Variants in TEAD4 observed in about 807,000 individuals in gnomAD.
TEAD4 encodes transcriptional enhancer factor TEF-3.
TEAD4 carries 36 observed loss-of-function variants against 52.4 expected under a neutral mutation model. That is an observed-to-expected ratio of 0.69 (90% CI 0.53 to 0.91). The LOEUF (loss-of-function observed/expected upper bound fraction) is 0.91. Ranked by LOEUF, TEAD4 falls within the 40% of genes least tolerant of loss-of-function variation. TEAD4 has a pLI of 0.00. For synonymous variants in TEAD4, 220 were observed against 231.0 expected (o/e 0.95, Z 0.43); for missense variants, 508 against 583.9 (o/e 0.87, Z 1.34).
intron 2 of TEAD4, among the ~76,000 whole-genome samples, chr12:2,978,536 TG>T (rs1473681741): frequency 1.3e-5 from 2 of 151,960 alleles, no homozygotes; most frequent in East Asian, 3.9e-4. Context: ...CCTAAGTAGC[TG>T]GGACTATAGG....
At chr12:2,993,600 A>C (rs2098244885) in intron 2 of TEAD4, among the ~76,000 whole-genome samples, 1 of 152,016 alleles carries the variant, frequency 6.6e-6, no homozygotes, top group East Asian at 1.9e-4. Context: ...CCTCCAGAGT[A>C]GCTGGGACTA....
chr12:3,021,064 C>T (rs1327289492), intron 9 of TEAD4, among the ~76,000 whole-genome samples: 1 of 152,052 alleles, frequency 6.6e-6, no homozygotes, highest in Non-Finnish European at 1.5e-5. Context: ...GACCCTTAGT[C>T]CAAGGTTGCT....
chr12:3,006,159 C>T (rs1184862623), intron 3 of TEAD4, among the ~76,000 whole-genome samples: 1 of 152,128 alleles, frequency 6.6e-6, no homozygotes, highest in Non-Finnish European at 1.5e-5. Flanking sequence ...ACAGGTTGAG[C>T]ATCCCAAATC....
chr12:2,964,034 T>C (rs2098218101), intron 2 of TEAD4, among the ~76,000 whole-genome samples: 1 of 151,268 alleles, frequency 6.6e-6, no homozygotes, highest in African/African-American at 2.4e-5. Flanking sequence ...GCATATCCGG[T>C]AGAGGGTTGG....
intron 3 of TEAD4, among the ~76,000 whole-genome samples, chr12:3,008,963 A>G (rs1477534930): frequency 7.2e-5 from 11 of 152,166 alleles, no homozygotes; most frequent in Non-Finnish European, 1.6e-4. Flanking sequence ...CCTTGCCCGT[A>G]GACTAGTCTC....
chr12:3,037,352 T>C (rs2098280027), intron 10 of TEAD4, among the ~76,000 whole-genome samples: 4 of 152,028 alleles, frequency 2.6e-5, no homozygotes, highest in South Asian at 4.1e-4. Context: ...GAAGCAGAGA[T>C]GTCAAAAGAT....
Position 3,040,359 on chromosome 12 carries a change from C to T in TEAD4, c.1192-6C>T. The T allele has an allele frequency of 1.9e-6, 3 of 1,614,112 alleles. No individual in the cohort carries two copies. Among genetic ancestry groups the T allele is most frequent in the South Asian group, 1.1e-5 (1 of 91,082 alleles). ...TTATTAACCCTTGTCTTTTTCTCTC[C>T]CACAGGTGGTCACCAACAGAGACAC... On this transcript the variant is annotated splice_polypyrimidine_tract_variant and splice_region_variant and intron_variant, in intron 12 of 12. Coordinates refer to ENST00000359864, the MANE Select transcript of TEAD4 (RefSeq NM_003213.4).
At chr12:3,021,802 C>T in intron 9 of TEAD4, 42 bp from the exon 10 acceptor site, 1 of 1,598,188 alleles carries the variant, frequency 6.3e-7, no homozygotes, top group South Asian at 1.1e-5. Flanking sequence ...GTCTGACCGT[C>T]TGGCCTGTGC....
At chr12:3,035,176 G>T (rs2098278632) in intron 10 of TEAD4, among the ~76,000 whole-genome samples, 1 of 152,182 alleles carries the variant, frequency 6.6e-6, no homozygotes, top group South Asian at 2.1e-4. Flanking sequence ...TGATTTCATG[G>T]ATTTATTGCT....
At chr12:3,013,241 T>G (rs915102089) in intron 5 of TEAD4, among the ~76,000 whole-genome samples, 3 of 150,998 alleles carry the variant, frequency 2.0e-5, no homozygotes, top group African/African-American at 7.3e-5. Flanking sequence ...CATGAGCCAC[T>G]GGGCCTGGCC....
chr12:3,012,210 G>C lies in TEAD4; in HGVS notation c.332G>C (p.Arg111Pro). Residue 111 changes from arginine to proline, a missense_variant, in exon 5 of 13, where the codon CGC (arginine) becomes CCC (proline). Arg to Pro is a moderately radical substitution (Grantham distance 103, BLOSUM62 -2). Coordinates refer to ENST00000359864, the MANE Select transcript of TEAD4 (RefSeq NM_003213.4). ...CAGGTGCTGGCTCGTCGCAAAGCTC[G>C]CGAGATCCAGGCCAAGCTAAAGGTA... The C allele has an allele frequency of 2.5e-6, 4 of 1,614,084 alleles. No homozygotes were observed. Among genetic ancestry groups the C allele is most frequent in the Non-Finnish European group, 3.4e-6 (4 of 1,179,982 alleles).
intron 2 of TEAD4, among the ~76,000 whole-genome samples, chr12:2,988,478 C>T (rs1402808707): frequency 6.8e-6 from 1 of 147,330 alleles, no homozygotes; most frequent in Non-Finnish European, 1.5e-5. Context: ...GAGATTGCGC[C>T]ACTGCACTCC....
chr12:3,033,146 G>GGA (rs995128778), intron 10 of TEAD4, among the ~76,000 whole-genome samples: 4 of 152,200 alleles, frequency 2.6e-5, no homozygotes, highest in African/African-American at 9.6e-5. Context: ...GAACCCCCTT[G>GGA]GAGTGGGAGG....
At chr12:3,012,562 C>G (rs2098261192) in intron 5 of TEAD4, among the ~76,000 whole-genome samples, 2 of 152,114 alleles carry the variant, frequency 1.3e-5, no homozygotes, top group African/African-American at 4.8e-5. Flanking sequence ...GTGCCCTCGA[C>G]CAGAGCATGC....
At chr12:3,021,596 C>G (rs1200138821) in intron 9 of TEAD4, among the ~76,000 whole-genome samples, 1 of 152,190 alleles carries the variant, frequency 6.6e-6, no homozygotes, top group Non-Finnish European at 1.5e-5. Flanking sequence ...CCGGTGTGAG[C>G]CGCCGCACCC....
intron 5 of TEAD4, among the ~76,000 whole-genome samples, chr12:3,014,301 C>T (rs146459060): frequency 3.9e-5 from 6 of 152,314 alleles, no homozygotes; most frequent in Admixed American, 2.6e-4. Context: ...CCTTGGGGGC[C>T]GGCTGTGTGG....
intron 2 of TEAD4, among the ~76,000 whole-genome samples, chr12:2,972,347 G>A (rs1017752433): frequency 1.3e-5 from 2 of 152,100 alleles, no homozygotes; most frequent in African/African-American, 4.8e-5. Flanking sequence ...CCCTCAAAGT[G>A]CTTGGATTAC....
chr12:2,971,544 C>G (rs541218793), intron 2 of TEAD4, among the ~76,000 whole-genome samples: 1 of 151,758 alleles, frequency 6.6e-6, no homozygotes, highest in Non-Finnish European at 1.5e-5. Context: ...GGTGCGATCT[C>G]GGCTCACTGC....
At chr12:3,021,307 CTTTTT>C (rs371527718) in intron 9 of TEAD4, among the ~76,000 whole-genome samples, 10 of 133,184 alleles carry the variant, frequency 7.5e-5, no homozygotes, top group African/African-American at 2.5e-4. Context: ...CTTCAAACTT[CTTTTT>C]TTTTTTTTTT....
Sources: gnomAD v4.1 joint callset for allele counts (sites outside exome capture counted in the v4.1 genomes callset) on GRCh38, gnomAD v4.1.1 for gene constraint, MANE v1.5 for transcripts, NCBI Gene and HGNC (gene_info 2026-07-23, HGNC 2026-07-21) for gene names.